Variants in PATJ observed in about 807,000 individuals in gnomAD.
PATJ encodes the protein PATJ crumbs cell polarity complex component.
Under a neutral mutation model 224.9 loss-of-function variants are expected in PATJ, and 190 were observed. That is an observed-to-expected ratio of 0.84 (90% CI 0.75 to 0.95). The LOEUF is 0.95. Ranked by LOEUF, PATJ falls within the 40% of genes least tolerant of loss-of-function variation. The probability of loss-of-function intolerance (pLI) is 0.00; values close to 1 mark genes in which losing one functional copy is unlikely to be tolerated. For missense variants in PATJ, 2,121 were observed against 2,270.3 expected, an observed-to-expected ratio of 0.93 and a Z score of 1.34; for synonymous variants, 769 against 820.3, an observed-to-expected ratio of 0.94 and a Z score of 1.07.
intron 28 of PATJ, among the ~76,000 whole-genome samples, chr1:61,994,961 A>G (rs1208568637): frequency 6.6e-6 from 1 of 152,192 alleles, no homozygotes; most frequent in Non-Finnish European, 1.5e-5. Context: ...TTTTCTTTTT[A>G]TAACTCAGAA....
chr1:61,914,448 C>G, intron 25 of PATJ, 139 bp from the exon 26 acceptor site: 1 of 453,842 alleles, frequency 2.2e-6, no homozygotes, highest in Non-Finnish European at 4.2e-6. Flanking sequence ...AAGAGCGAAT[C>G]TCCATCTCAG....
chr1:62,106,061 A>ATATATAT lies in PATJ; in HGVS notation c.4378-2376_4378-2375insTATATAT, dbSNP rs1416758766. On this transcript the variant is annotated intron_variant, in intron 33 of 43. Transcript: ENST00000642238. ...GACTCCTCTTAAAAAAAAAAAAAAA[A>ATATATAT]AAATATATATATATATATACACACA... Among the ~76,000 whole-genome samples, 32 of 32,548 alleles carry ATATATAT rather than the reference A, an allele frequency of 9.8e-4. 1 individual carries two copies. The highest frequency in any genetic ancestry group is 3.3e-3 in the African/African-American group (29 of 8,894). 21.4% of individuals were successfully genotyped at this position (32,548 alleles called of 152,430 possible).
At chr1:61,936,277 C>T (rs575651711) in intron 27 of PATJ, among the ~76,000 whole-genome samples, 14 of 150,670 alleles carry the variant, frequency 9.3e-5, no homozygotes, top group African/African-American at 3.4e-4. Flanking sequence ...TTATGTGTTC[C>T]CATGGAGTGG....
At chr1:62,118,040 G>A (rs17123114) in intron 37 of PATJ, among the ~76,000 whole-genome samples, 1 of 151,988 alleles carries the variant, frequency 6.6e-6, no homozygotes, top group Non-Finnish European at 1.5e-5. Context: ...AGTTACTTCT[G>A]GAAAGCTATT....
chr1:61,981,790 G>A (rs909056948), intron 27 of PATJ, among the ~76,000 whole-genome samples: 1 of 151,748 alleles, frequency 6.6e-6, no homozygotes, highest in African/African-American at 2.4e-5. Context: ...TCCTGCCTCA[G>A]CCTCCCGAGT....
chr1:61,817,390 G>A (rs760386242), intron 14 of PATJ, among the ~76,000 whole-genome samples: 16 of 152,118 alleles, frequency 1.1e-4, no homozygotes, highest in Non-Finnish European at 2.1e-4. Flanking sequence ...GGGACCGGGA[G>A]CGGTGGCTCA....
At chr1:61,923,463 T>C (rs1674631328) in intron 26 of PATJ, among the ~76,000 whole-genome samples, 1 of 152,200 alleles carries the variant, frequency 6.6e-6, no homozygotes, top group South Asian at 2.1e-4. Flanking sequence ...AATCTATCTC[T>C]TTAAAAATTA....
intron 41 of PATJ, among the ~76,000 whole-genome samples, chr1:62,146,821 A>G (rs1300525139): frequency 1.3e-5 from 2 of 152,066 alleles, no homozygotes; most frequent in East Asian, 1.9e-4. Context: ...AGAAAAACCA[A>G]TAGAATTTCA....
rs539966340 is a variant in PATJ, at chr1:61,848,393, C to T, written c.2113-7637C>T. Among the ~76,000 whole-genome samples, 3 of 152,214 alleles carry T rather than the reference C, an allele frequency of 2.0e-5. No homozygotes were observed. In the South Asian group the frequency reaches 6.2e-4, roughly 32 times the overall value. ...TCTTGTTTTCTGACATTACTCACAA[C>T]GGAAATTTTAATTCATGCTAGCTGT... On this transcript the variant is annotated intron_variant, in intron 17 of 43. Coordinates refer to ENST00000642238, the MANE Select transcript of PATJ (RefSeq NM_001350145.3).
chr1:61,744,518 G>A (rs192745457), intron 1 of PATJ, among the ~76,000 whole-genome samples: 6 of 151,694 alleles, frequency 4.0e-5, no homozygotes, highest in African/African-American at 1.2e-4. Context: ...TAATAACAAA[G>A]TTAATAAATA....
At chr1:61,873,551 A>C (rs1260949742) in intron 20 of PATJ, among the ~76,000 whole-genome samples, 1 of 152,268 alleles carries the variant, frequency 6.6e-6, no homozygotes, top group Non-Finnish European at 1.5e-5. Flanking sequence ...TGCTATAACA[A>C]GATACCATTA....
chr1:61,981,391 T>C (rs1644440348), intron 27 of PATJ, among the ~76,000 whole-genome samples: 1 of 152,038 alleles, frequency 6.6e-6, no homozygotes, highest in African/African-American at 2.4e-5. Flanking sequence ...CCAAGGGTGA[T>C]ATTTTAGGTA....
chr1:62,147,226 A>C (rs916767971), intron 41 of PATJ, among the ~76,000 whole-genome samples: 4 of 152,188 alleles, frequency 2.6e-5, no homozygotes, highest in Non-Finnish European at 4.4e-5. Context: ...AATATGTTTA[A>C]TGGAAAAGAT....
intron 22 of PATJ, among the ~76,000 whole-genome samples, chr1:61,885,345 A>T (rs1207853237): frequency 1.3e-5 from 2 of 152,210 alleles, no homozygotes; most frequent in Non-Finnish European, 2.9e-5. Flanking sequence ...AAACACAAAC[A>T]ACCCCATCAA....
At chr1:61,971,358 A>G (rs1462752791) in intron 27 of PATJ, among the ~76,000 whole-genome samples, 1 of 152,160 alleles carries the variant, frequency 6.6e-6, no homozygotes, top group Non-Finnish European at 1.5e-5. Flanking sequence ...AACTGTTTAA[A>G]ACAGCGTAAG....
At chr1:62,032,252 G>A (rs1437566451) in intron 29 of PATJ, among the ~76,000 whole-genome samples, 1 of 152,168 alleles carries the variant, frequency 6.6e-6, no homozygotes, top group Admixed American at 6.5e-5. Context: ...GTCCCCCACA[G>A]TCCTTGTCAG....
chr1:62,112,745 T>G (rs1442422916), intron 34 of PATJ, among the ~76,000 whole-genome samples: 1 of 152,230 alleles, frequency 6.6e-6, no homozygotes, highest in Non-Finnish European at 1.5e-5. Context: ...TCTGACTTCT[T>G]TCCTTTGAAT....
chr1:61,837,722 G>A (rs1570800919), intron 17 of PATJ, among the ~76,000 whole-genome samples: 2 of 151,400 alleles, frequency 1.3e-5, no homozygotes, highest in African/African-American at 2.4e-5. Flanking sequence ...CCTGGGAGGC[G>A]GAGGTTACGG....
At chr1:62,149,615 A>G (rs1668421056) in intron 42 of PATJ, among the ~76,000 whole-genome samples, 1 of 152,198 alleles carries the variant, frequency 6.6e-6, no homozygotes, top group African/African-American at 2.4e-5. Context: ...CCTTAAAAAA[A>G]AAAAAAAATC....
Sources: allele counts gnomAD v4.1 joint callset (sites outside exome capture counted in the v4.1 genomes callset), GRCh38; gene constraint gnomAD v4.1.1; transcripts MANE v1.5; gene names NCBI Gene and HGNC (gene_info 2026-07-23, HGNC 2026-07-21).